FARS2: variants seen among roughly 807,000 people sequenced by gnomAD.
FARS2 encodes the protein phenylalanine--tRNA ligase, mitochondrial.
In FARS2, 40 loss-of-function variants were observed where a neutral mutation model predicts 46.4. That is an observed-to-expected ratio of 0.86 (90% CI 0.67 to 1.12). The LOEUF (loss-of-function observed/expected upper bound fraction) is 1.12, where lower values mean the gene tolerates loss of function less well. FARS2 is among the 50% of genes most tolerant of loss of function. The probability of loss-of-function intolerance (pLI) is 0.00; values close to 1 mark genes in which losing one functional copy is unlikely to be tolerated. For synonymous variants in FARS2, 234 were observed against 214.9 expected (o/e 1.09, Z -0.78); for missense variants, 513 against 567.9 (o/e 0.90, Z 0.98).
Position 5,431,035 on chromosome 6 carries a change from T to C in FARS2, c.773-6T>C. 1 of 1,613,020 alleles carries C rather than the reference T, an allele frequency of 6.2e-7. No homozygotes were observed. The highest frequency in any genetic ancestry group is 8.5e-7 in the Non-Finnish European group (1 of 1,179,316). On this transcript the variant is annotated splice_region_variant and splice_polypyrimidine_tract_variant and intron_variant, in intron 3 of 6. Transcript: ENST00000274680. ...CTACTTATTTGTTTCTTTGGCAACT[T>C]TGCAGAGCTGGAGATAAGATGGGTA...
At chr6:5,611,949 G>A (rs1435403731) in intron 5 of FARS2, among the ~76,000 whole-genome samples, 1 of 152,122 alleles carries the variant, frequency 6.6e-6, no homozygotes, top group Non-Finnish European at 1.5e-5. Flanking sequence ...TTTTCCATAA[G>A]GAACAAAAGG....
intron 3 of FARS2, among the ~76,000 whole-genome samples, chr6:5,406,080 GAGA>G (rs1354547264): frequency 6.6e-6 from 1 of 152,090 alleles, no homozygotes; most frequent in Non-Finnish European, 1.5e-5. Context: ...ACGATATAAA[GAGA>G]AGGTTAGTGG....
chr6:5,341,647 T>G, intron 1 of FARS2, among the ~76,000 whole-genome samples: 1 of 151,568 alleles, frequency 6.6e-6, no homozygotes, highest in South Asian at 2.1e-4. Context: ...GCCTCCGGAG[T>G]AGCTAGGAAT....
intron 5 of FARS2, among the ~76,000 whole-genome samples, chr6:5,556,332 G>A (rs980594020): frequency 2.0e-5 from 3 of 152,060 alleles, no homozygotes; most frequent in Non-Finnish European, 2.9e-5. Flanking sequence ...CAGGGTCATC[G>A]TGGCGCATTC....
chr6:5,623,724 TAAATA>T (rs59976580), intron 6 of FARS2, among the ~76,000 whole-genome samples: 3,623 of 132,874 alleles, frequency 0.027, 202 homozygotes, highest in African/African-American at 0.13. Flanking sequence ...AAAAAATAAA[TAAATA>T]AAATAAAGAC....
intron 4 of FARS2, among the ~76,000 whole-genome samples, chr6:5,445,954 C>G (rs989165452): frequency 2.6e-5 from 4 of 152,158 alleles, no homozygotes; most frequent in Non-Finnish European, 5.9e-5. Flanking sequence ...AATCCCAGCA[C>G]TTGGGGAGGC....
chr6:5,428,614 A>C (rs1472230346), intron 3 of FARS2, among the ~76,000 whole-genome samples: 1 of 152,188 alleles, frequency 6.6e-6, no homozygotes, highest in African/African-American at 2.4e-5. Context: ...ACTCACTTCC[A>C]TGTCCCAAGA....
At chr6:5,549,999 G>C (rs913699232) in intron 5 of FARS2, among the ~76,000 whole-genome samples, 5 of 152,124 alleles carry the variant, frequency 3.3e-5, no homozygotes, top group African/African-American at 1.2e-4. Flanking sequence ...GACACTCTGG[G>C]TATGATTCAT....
chr6:5,665,074 C>G, intron 6 of FARS2: 1 of 152,238 alleles, frequency 6.6e-6, no homozygotes, highest in Non-Finnish European at 1.5e-5. Context: ...TTCAGCTCCT[C>G]ACAAAGAGCT....
chr6:5,353,564 A>C (rs1217150090), intron 1 of FARS2, among the ~76,000 whole-genome samples: 1 of 151,852 alleles, frequency 6.6e-6, no homozygotes, highest in Non-Finnish European at 1.5e-5. Context: ...GCCAGGATTT[A>C]TTTTTTGTAG....
chr6:5,365,036 A>C (rs1297825277), intron 1 of FARS2, among the ~76,000 whole-genome samples: 1 of 151,758 alleles, frequency 6.6e-6, no homozygotes, highest in Non-Finnish European at 1.5e-5. Context: ...GTGACAGAGT[A>C]AGACCCTGTC....
intron 4 of FARS2, among the ~76,000 whole-genome samples, chr6:5,514,686 T>C (rs1768676356): frequency 6.6e-6 from 1 of 152,206 alleles, no homozygotes; most frequent in Non-Finnish European, 1.5e-5. Context: ...AGTCTTATAC[T>C]GACATCCCTT....
At chr6:5,754,224 G>T (rs1762094498) in intron 6 of FARS2, among the ~76,000 whole-genome samples, 1 of 152,232 alleles carries the variant, frequency 6.6e-6, no homozygotes, top group Non-Finnish European at 1.5e-5. Flanking sequence ...GAATCACCTA[G>T]TATGCACTGA....
At chr6:5,717,908 CTATATATATATATATATA>C (rs58922507) in intron 6 of FARS2, among the ~76,000 whole-genome samples, 7,059 of 77,710 alleles carry the variant, frequency 0.091, 802 homozygotes, top group African/African-American at 0.27. Flanking sequence ...AAGGTATCAG[CTATATATATATATATATA>C]TATATATATA....
intron 4 of FARS2, among the ~76,000 whole-genome samples, chr6:5,492,059 C>G (rs1767154170): frequency 6.6e-6 from 1 of 152,096 alleles, no homozygotes. Context: ...TTATCTAGGT[C>G]AATAAAAACT....
intron 6 of FARS2, among the ~76,000 whole-genome samples, chr6:5,742,011 G>GTC (rs1370074039): frequency 6.6e-6 from 1 of 152,242 alleles, no homozygotes; most frequent in East Asian, 1.9e-4. Flanking sequence ...TATTTCCTCA[G>GTC]TCTCTCTCTC....
chr6:5,540,143 C>T (rs1416380508), intron 4 of FARS2, among the ~76,000 whole-genome samples: 1 of 152,208 alleles, frequency 6.6e-6, no homozygotes, highest in East Asian at 1.9e-4. Flanking sequence ...TGCTTGGCAG[C>T]TCCCTGGCTC....
chr6:5,620,979 C>G (rs1195871296), intron 6 of FARS2, among the ~76,000 whole-genome samples: 1 of 152,254 alleles, frequency 6.6e-6, no homozygotes, highest in Non-Finnish European at 1.5e-5. Context: ...ACCACCACTT[C>G]TAGCCTTCCT....
At chr6:5,693,180 A>G (rs1453506142) in intron 6 of FARS2, among the ~76,000 whole-genome samples, 1 of 152,364 alleles carries the variant, frequency 6.6e-6, no homozygotes, top group Non-Finnish European at 1.5e-5. Context: ...CTCAGGATAA[A>G]TGGTTTTAAG....
Sources: gnomAD v4.1 joint callset for allele counts (sites outside exome capture counted in the v4.1 genomes callset) on GRCh38, gnomAD v4.1.1 for gene constraint, MANE v1.5 for transcripts, NCBI Gene and HGNC (gene_info 2026-07-23, HGNC 2026-07-21) for gene names.